TP53BP2: variants seen among roughly 807,000 people sequenced by gnomAD.
The protein encoded by TP53BP2 is tumor protein p53 binding protein 2, also known as apoptosis-stimulating of p53 protein 2.
Under a neutral mutation model 126.2 loss-of-function variants are expected in TP53BP2, and 62 were observed. The ratio of observed to expected loss-of-function variants is 0.49; its 90% CI spans 0.40 to 0.61. The LOEUF is 0.61. TP53BP2 is among the 20% of genes least tolerant of loss of function. TP53BP2 has a pLI of 0.00. For synonymous variants in TP53BP2, 485 were observed against 502.9 expected (o/e 0.96, Z 0.48); for missense variants, 1,215 against 1,402.8 (o/e 0.87, Z 2.14).
Position 223,798,206 on chromosome 1 carries a change from G to C in TP53BP2, c.1948+9C>G, listed in dbSNP as rs1181727166. 1.2e-6 allele frequency: 2 copies of C among 1,608,932 alleles called. No individual in the cohort carries two copies. Among genetic ancestry groups the C allele is most frequent in the Non-Finnish European group, 1.7e-6 (2 of 1,177,184 alleles). On this transcript the variant is annotated intron_variant, in intron 12 of 17. Coordinates refer to ENST00000343537, the MANE Select transcript of TP53BP2 (RefSeq NM_001031685.3). ...TAAGCACGTCACCTATGAACGTTAAGAACCTTACCACTTGAAAAGTGTGGC... is the reference window on the plus strand; with the variant it reads ...TAAGCACGTCACCTATGAACGTTAACAACCTTACCACTTGAAAAGTGTGGC...
rs1419014453 is a variant in TP53BP2 at position 223,845,825 on chromosome 1, G to A, written c.-145C>T. On this transcript the variant is annotated 5_prime_UTR_variant, in exon 1 of 18. Transcript: ENST00000343537. ...CAGCGGCGGCGCGCGGGTCCGAAGG[G>A]CCCTCCGCGCGGGCTGGGGCACCAA... 13 of 598,614 alleles carry A rather than the reference G, an allele frequency of 2.2e-5. No homozygotes were observed. The highest frequency in any genetic ancestry group is 1.0e-4 in the Admixed American group (2 of 19,958). 37.1% of individuals were successfully genotyped at this position (598,614 alleles called of 1,614,324 possible).
intron 8 of TP53BP2, 182 bp downstream of exon 8, chr1:223,802,548 TA>T: frequency 1.2e-6 from 1 of 864,062 alleles, no homozygotes; most frequent in Non-Finnish European, 1.8e-6. Context: ...CAAACAGAGC[TA>T]CACAGGTAAT....
intron 16 of TP53BP2, 57 bp downstream of exon 16, chr1:223,788,951 G>C: frequency 6.4e-7 from 1 of 1,550,972 alleles, no homozygotes; most frequent in Admixed American, 1.8e-5. Flanking sequence ...TTATACCCTG[G>C]AGATACAGAA....
rs567947158 is a variant in TP53BP2, at chr1:223,806,806, AGAGTGAGCATTCATCTCC to A, written c.474+22_474+39del. 1.4e-4 allele frequency: 220 copies of A among 1,534,826 alleles called. No homozygotes were observed. The African/African-American group carries it at 2.6e-3, about 18-fold the overall frequency. On this transcript the variant is annotated intron_variant, in intron 5 of 17. Coordinates refer to ENST00000343537, the MANE Select transcript of TP53BP2 (RefSeq NM_001031685.3). Reference sequence around the variant, plus strand: ...GCCACTGCACTCCAGCCTAGGCGACAGAGTGAGCATTCATCTCCAAAAAAAAAGGACGATACTACCTTA... The same window carrying A: ...GCCACTGCACTCCAGCCTAGGCGACAAAAAAAAAAGGACGATACTACCTTA...
rs562444983 is a variant in TP53BP2 at position 223,806,756 on chromosome 1, G to A, written c.474+90C>T. 53 of 926,248 alleles carry A rather than the reference G, an allele frequency of 5.7e-5. No homozygotes were observed. In the East Asian group the frequency reaches 1.1e-3, roughly 19 times the overall value. The allele number at this position is 926,248 out of a possible 1,614,324, so 57.4% of individuals were successfully genotyped here. ...GGAGAATCACTTGAACTCAGGAGGC[G>A]GAGGTTGCAGTGAGCCAAGATCGTG... is the stretch of plus-strand genomic sequence containing the variant. On this transcript the variant is annotated intron_variant, in intron 5 of 17. Coordinates refer to ENST00000343537, the MANE Select transcript of TP53BP2 (RefSeq NM_001031685.3).
chr1:223,838,678 T>C (rs994640811), intron 1 of TP53BP2, among the ~76,000 whole-genome samples: 19 of 152,216 alleles, frequency 1.2e-4, no homozygotes, highest in African/African-American at 4.6e-4. Context: ...GGTTTTGCCA[T>C]CAAAGGTGAT....
intron 14 of TP53BP2, among the ~76,000 whole-genome samples, chr1:223,792,863 C>CA (rs35552256): frequency 0.39 from 50,785 of 129,218 alleles, 8,935 homozygotes; most frequent in Admixed American, 0.46. Context: ...CTATGGAAAG[C>CA]AAAAAAAAAA....
Position 223,793,305 on chromosome 1 carries a change from C to G in TP53BP2, c.2860G>C (p.Glu954Gln), listed in dbSNP as rs774448380. 1 of 1,586,490 alleles carries G rather than the reference C, an allele frequency of 6.3e-7. No individual in the cohort carries two copies. Among genetic ancestry groups the G allele is most frequent in the Non-Finnish European group, 8.5e-7 (1 of 1,170,616 alleles). ...AAATTTACTAATTATAATCATACCT[C>G]ATAAATAATTCTCTGTACAAGGTCA... Reference protein sequence around the residue: ...EFDLVQRIIYEVDDPSLPNDE... With the variant: ...EFDLVQRIIYQVDDPSLPNDE... The change falls in exon 14 of 18, where the codon GAG (glutamate) becomes CAG (glutamine). Residue 954 changes from glutamate to glutamine, a missense_variant and splice_region_variant. Glu to Gln is a conservative substitution (Grantham distance 29). Around this residue, in one of 4 missense-constraint regions of TP53BP2, gnomAD observed 151 missense variants for 231.2 expected, o/e 0.65. Transcript: ENST00000343537.
rs149043834 is a variant in TP53BP2 at position 223,804,181 on chromosome 1, C to T, written c.642G>A (p.Gly214=). 7 of 1,597,156 alleles carry T rather than the reference C, an allele frequency of 4.4e-6. No homozygotes were observed. In the Admixed American group the frequency reaches 7.3e-5, roughly 17 times the overall value. Residue 214 remains glycine (G), a synonymous_variant, in exon 6 of 18, where the codon GGG becomes GGA. Transcript: ENST00000343537. Reference sequence around the variant, plus strand: ...CTATGAGGAACAACTCACCAAGTTTCCCATTGCTTAGTCTCTTCTGTTCCA... The same window carrying T: ...CTATGAGGAACAACTCACCAAGTTTTCCATTGCTTAGTCTCTTCTGTTCCA... ...GHVEQKRLSN[G]KLVEEIEQMN... is the part of the protein sequence containing the mutation.
chr1:223,821,858 A>C (rs1663322659), intron 1 of TP53BP2, among the ~76,000 whole-genome samples: 1 of 151,916 alleles, frequency 6.6e-6, no homozygotes, highest in Non-Finnish European at 1.5e-5. Flanking sequence ...CCTAATCTTT[A>C]TATAATGTAC....
At chr1:223,810,318 A>T in intron 4 of TP53BP2, 113 bp downstream of exon 4, 1 of 673,662 alleles carries the variant, frequency 1.5e-6, no homozygotes, top group African/African-American at 1.8e-5. Context: ...AATAACCTTT[A>T]AAAAGCGGCC....
At chr1:223,821,175 T>A in intron 2 of TP53BP2, 45 bp downstream of exon 2, 1 of 1,612,904 alleles carries the variant, frequency 6.2e-7, no homozygotes, top group Non-Finnish European at 8.5e-7. Flanking sequence ...CCAACATTAA[T>A]AGAAGACAGA....
Position 223,798,605 on chromosome 1 carries a change from A to G in TP53BP2, c.1558T>C (p.Phe520Leu), listed in dbSNP as rs1399537855. Residue 520 changes from phenylalanine (F) to leucine (L), a missense_variant, in exon 12 of 18, where the codon TTT (phenylalanine) becomes CTT (leucine). This residue lies in a region of TP53BP2 where 814 missense variants were observed against 853.0 expected (regional missense o/e 0.95). Coordinates refer to ENST00000343537, the MANE Select transcript of TP53BP2 (RefSeq NM_001031685.3). ...GAAGGTGGCTGATTAGTTTGTCCAA[A>G]ATAAGGCAAATTAATCTGTTTTGGT... is the stretch of plus-strand genomic sequence containing the variant. ...TKPKQINLPYFGQTNQPPSDI... is the reference protein window; with the variant it reads ...TKPKQINLPYLGQTNQPPSDI... 1.2e-6 allele frequency: 2 copies of G among 1,614,072 alleles called. No individual in the cohort carries two copies. The highest frequency in any genetic ancestry group is 1.7e-6 in the Non-Finnish European group (2 of 1,180,028).
intron 16 of TP53BP2, 110 bp downstream of exon 16, chr1:223,788,898 A>G (rs1243297594): frequency 1.6e-5 from 19 of 1,156,186 alleles, no homozygotes; most frequent in Non-Finnish European, 2.0e-5. Flanking sequence ...GCCCAAGACT[A>G]TGGATAACAC....
At chr1:223,826,486 C>A (rs563408172) in intron 1 of TP53BP2, among the ~76,000 whole-genome samples, 18 of 152,192 alleles carry the variant, frequency 1.2e-4, no homozygotes, top group African/African-American at 4.3e-4. Context: ...CCACTGGAGG[C>A]AAATCATTAA....
chr1:223,836,521 A>G (rs949732735), intron 1 of TP53BP2, among the ~76,000 whole-genome samples: 2 of 152,230 alleles, frequency 1.3e-5, no homozygotes, highest in South Asian at 2.1e-4. Context: ...CCACTGGGCT[A>G]CACAATAAAG....
intron 7 of TP53BP2, 41 bp from the exon 8 acceptor site, chr1:223,802,936 G>A (rs757284259): frequency 1.2e-6 from 2 of 1,607,922 alleles, no homozygotes; most frequent in South Asian, 2.2e-5. Context: ...CAAGGAGTAG[G>A]AAGAAAATGT....
chr1:223,792,541 T>G lies in TP53BP2; in HGVS notation c.2863-19A>C, dbSNP rs1451686543. The G allele has an allele frequency of 6.2e-7, 1 of 1,612,998 alleles. No individual in the cohort carries two copies. On this transcript the variant is annotated intron_variant, in intron 14 of 17. Coordinates refer to ENST00000343537, the MANE Select transcript of TP53BP2 (RefSeq NM_001031685.3). ...CATCAACCTATATCAAGAAGAAGGGTGAGCATCACTCTAGTTTCTTGTCAC... is the reference window on the plus strand; with the variant it reads ...CATCAACCTATATCAAGAAGAAGGGGGAGCATCACTCTAGTTTCTTGTCAC...
chr1:223,815,997 G>C (rs553949188), intron 2 of TP53BP2, among the ~76,000 whole-genome samples: 1 of 152,078 alleles, frequency 6.6e-6, no homozygotes, highest in African/African-American at 2.4e-5. Flanking sequence ...CAAATTTCTC[G>C]GCACGTATCA....
Sources: allele counts gnomAD v4.1 joint callset (sites outside exome capture counted in the v4.1 genomes callset), GRCh38; gene constraint gnomAD v4.1.1; regional missense constraint gnomAD v4.1.1; transcripts MANE v1.5; gene names NCBI Gene and HGNC (gene_info 2026-07-23, HGNC 2026-07-21).